Variants in CHIA observed in about 807,000 individuals in gnomAD.
The protein encoded by CHIA is acidic mammalian chitinase.
Under a neutral mutation model 53.5 loss-of-function variants are expected in CHIA, and 47 were observed. That is an observed-to-expected ratio of 0.88 (90% CI 0.70 to 1.12). The LOEUF (loss-of-function observed/expected upper bound fraction) is 1.12. Ranked by LOEUF, CHIA falls within the 50% of genes most tolerant of loss-of-function variation. CHIA has a pLI of 0.00. For missense variants in CHIA, 652 were observed against 592.2 expected (o/e 1.10, Z -1.05); for synonymous variants, 268 against 222.2 (o/e 1.21, Z -1.83).
chr1:111,296,497 A>G (rs186514809), intron 1 of CHIA, among the ~76,000 whole-genome samples: 2 of 152,324 alleles, frequency 1.3e-5, no homozygotes, highest in Non-Finnish European at 2.9e-5. Flanking sequence ...TGTTAGAAGG[A>G]AAACTAACAA....
chr1:111,307,568 A>C (rs996286474), intron 1 of CHIA, among the ~76,000 whole-genome samples: 4 of 152,156 alleles, frequency 2.6e-5, no homozygotes, highest in African/African-American at 2.4e-5. Context: ...ACTGGGGAGA[A>C]GTATGTAGGG....
Position 111,311,700 on chromosome 1 carries a change from A to T in CHIA, c.37A>T (p.Ile13Leu), listed in dbSNP as rs781160087. 1 of 1,614,026 alleles carries T rather than the reference A, an allele frequency of 6.2e-7. No individual in the cohort carries two copies. Among genetic ancestry groups the T allele is most frequent in the Non-Finnish European group, 8.5e-7 (1 of 1,179,946 alleles). Residue 13 changes from isoleucine to leucine, a missense_variant, in exon 3 of 12, where the codon ATA becomes TTA. Transcript: ENST00000369740. Reference protein sequence around the residue: ...KLILLTGLVLILNLQLGSAYQ... With the variant: ...KLILLTGLVLLLNLQLGSAYQ... ...TTCTTTCTATCCAGGTCTTGTCCTT[A>T]TACTGAATTTGCAGCTCGGTAAGTC... is the stretch of plus-strand genomic sequence containing the variant.
At chr1:111,308,218 A>G (rs1648353629) in intron 1 of CHIA, among the ~76,000 whole-genome samples, 1 of 152,222 alleles carries the variant, frequency 6.6e-6, no homozygotes, top group Non-Finnish European at 1.5e-5. Flanking sequence ...GGGATGCCAA[A>G]TTCAATAGAA....
chr1:111,318,783 C>G, intron 9 of CHIA, 105 bp downstream of exon 9: 1 of 1,267,686 alleles, frequency 7.9e-7, no homozygotes, highest in South Asian at 1.5e-5. Context: ...TACCTAAATG[C>G]TTTAAACACA....
At chr1:111,318,764 T>G in intron 9 of CHIA, 86 bp downstream of exon 9, 1 of 1,406,758 alleles carries the variant, frequency 7.1e-7, no homozygotes, top group Non-Finnish European at 9.7e-7. Context: ...GAATGTTCAT[T>G]CTGTCTCCTA....
intron 1 of CHIA, among the ~76,000 whole-genome samples, chr1:111,307,868 C>T (rs781493753): frequency 6.6e-5 from 10 of 152,118 alleles, no homozygotes; most frequent in Non-Finnish European, 1.3e-4. Flanking sequence ...TCTCAAACTC[C>T]TGACCTCAGG....
At chr1:111,303,911 C>T (rs12727314) in intron 1 of CHIA, among the ~76,000 whole-genome samples, 42,333 of 152,034 alleles carry the variant, frequency 0.28, 6,177 homozygotes, top group East Asian at 0.36. Context: ...TGAGTATTTC[C>T]TGCAGGACAG....
chr1:111,300,130 T>C (rs12403682), intron 1 of CHIA, among the ~76,000 whole-genome samples: 42,054 of 151,554 alleles, frequency 0.28, 6,123 homozygotes, highest in East Asian at 0.35. Context: ...TAGGAAGAAT[T>C]AATATCGTGA....
chr1:111,315,381 T>C lies in CHIA; in HGVS notation c.426T>C (p.Pro142=). ...FDGLDFDWEY[P]GSRGSPPQDK... is the part of the protein sequence containing the mutation. ...GGCTGGACTTTGACTGGGAGTACCC[T>C]GGCTCTCGTGGGAGCCCTCCTCAGG... Residue 142 remains proline, a synonymous_variant, in exon 6 of 12, where the codon CCT becomes CCC. Transcript: ENST00000369740. 3 of 1,614,152 alleles carry C rather than the reference T, an allele frequency of 1.9e-6. No homozygotes were observed. Among genetic ancestry groups the C allele is most frequent in the Non-Finnish European group, 1.7e-6 (2 of 1,179,996 alleles).
Position 111,318,061 on chromosome 1 carries a change from C to G in CHIA, c.681C>G (p.Pro227=). 1 of 1,613,850 alleles carries G rather than the reference C, an allele frequency of 6.2e-7. No homozygotes were observed. ...SWEGYTGENS[P]LYKYPTDTGS... is the part of the protein sequence containing the mutation. The stretch of plus-strand genomic sequence containing the variant: ...AGGGCTACACTGGAGAGAACAGCCC[C>G]CTCTACAAATACCCGACTGACACCG... The change falls in exon 8 of 12, where the codon CCC becomes CCG. Residue 227 remains proline, a synonymous_variant. Transcript: ENST00000369740.
At chr1:111,301,705 C>CAAAAAAA (rs35562130) in intron 1 of CHIA, among the ~76,000 whole-genome samples, 1 of 105,476 alleles carries the variant, frequency 9.5e-6, no homozygotes, top group Non-Finnish European at 1.9e-5. Context: ...ACTCTCTCTC[C>CAAAAAAA]AAAAAAAAAA....
intron 1 of CHIA, 21 bp from the exon 2 acceptor site, chr1:111,310,379 G>A: frequency 6.2e-7 from 1 of 1,600,288 alleles, no homozygotes; most frequent in Non-Finnish European, 8.5e-7. Flanking sequence ...ACACATCTGG[G>A]TCAAATTGTT....
At chr1:111,304,067 C>T (rs1412121193) in intron 1 of CHIA, among the ~76,000 whole-genome samples, 1 of 152,154 alleles carries the variant, frequency 6.6e-6, no homozygotes, top group African/African-American at 2.4e-5. Context: ...TGCCAACTGC[C>T]TTCTGGCCTC....
At chr1:111,300,612 T>C (rs987534361) in intron 1 of CHIA, among the ~76,000 whole-genome samples, 4 of 152,016 alleles carry the variant, frequency 2.6e-5, no homozygotes, top group Admixed American at 2.0e-4. Flanking sequence ...AATATTAGAC[T>C]TAAAACCATA....
rs142653250 is a variant in CHIA at position 111,320,422 on chromosome 1, G to A, written c.1387G>A (p.Gly463Arg). ...GVTYQQNCQA[G>R]LVFDTSCDCC... Reference sequence around the variant, plus strand: ...CACGTACCAGCAGAACTGCCAGGCCGGGCTTGTCTTCGACACCAGCTGTGA... The same window carrying A: ...CACGTACCAGCAGAACTGCCAGGCCAGGCTTGTCTTCGACACCAGCTGTGA... Residue 463 changes from glycine (G) to arginine (R), a missense_variant, in exon 12 of 12, where the codon GGG becomes AGG. Transcript: ENST00000369740. 3,943 of 1,614,170 alleles carry A rather than the reference G, an allele frequency of 2.4e-3. 7 individuals are homozygous for A. Among genetic ancestry groups the A allele is most frequent in the Non-Finnish European group, 3.0e-3 (3,564 of 1,180,016 alleles).
At chr1:111,297,541 C>T (rs1026644144) in intron 1 of CHIA, among the ~76,000 whole-genome samples, 1 of 152,160 alleles carries the variant, frequency 6.6e-6, no homozygotes, top group South Asian at 2.1e-4. Flanking sequence ...ATTTTGTCAC[C>T]ACCAGGCCTG....
chr1:111,309,796 T>G (rs1158966928), intron 1 of CHIA, among the ~76,000 whole-genome samples: 1 of 152,200 alleles, frequency 6.6e-6, no homozygotes, highest in Non-Finnish European at 1.5e-5. Flanking sequence ...TTCTATCCAT[T>G]AGCAACGCAG....
intron 1 of CHIA, among the ~76,000 whole-genome samples, chr1:111,291,528 G>T (rs4839116): frequency 0.013 from 1,923 of 150,856 alleles, 82 homozygotes; most frequent in Admixed American, 0.087. Context: ...GGGGGCAAGG[G>T]GGGGAGAGCA....
At chr1:111,299,694 T>C (rs868727678) in intron 1 of CHIA, among the ~76,000 whole-genome samples, 62 of 152,272 alleles carry the variant, frequency 4.1e-4, no homozygotes, top group African/African-American at 1.4e-3. Flanking sequence ...AGGGATGCCC[T>C]CTCTCACTAC....
Sources: allele counts gnomAD v4.1 joint callset (sites outside exome capture counted in the v4.1 genomes callset), GRCh38; gene constraint gnomAD v4.1.1; transcripts MANE v1.5; gene names NCBI Gene and HGNC (gene_info 2026-07-23, HGNC 2026-07-21).